The following LAMP3 variants were observed in gnomAD, a reference collection of about 807,000 sequenced individuals.
The protein encoded by LAMP3 is lysosome-associated membrane glycoprotein 3.
Under a neutral mutation model 34.8 loss-of-function variants are expected in LAMP3, and 26 were observed. The observed-to-expected ratio is 0.75, with a 90% CI of 0.55 to 1.04. LAMP3 has a LOEUF of 1.04. Among genes scored for constraint, LAMP3 ranks in the 50% least tolerant of loss-of-function variants. LAMP3 has a pLI of 0.00. For synonymous variants in LAMP3, 180 were observed against 201.9 expected, an observed-to-expected ratio of 0.89 and a Z score of 0.92; for missense variants, 495 against 524.0, an observed-to-expected ratio of 0.94 and a Z score of 0.54.
At chr3:183,152,231 AC>A in intron 3 of LAMP3, 143 bp downstream of exon 3, 1 of 885,390 alleles carries the variant, frequency 1.1e-6, no homozygotes, top group Non-Finnish European at 1.7e-6. Flanking sequence ...AGATGTTGAC[AC>A]TTCCTCCTCT....
chr3:183,161,742 T>A (rs1720980577), intron 1 of LAMP3, among the ~76,000 whole-genome samples: 2 of 152,114 alleles, frequency 1.3e-5, no homozygotes, highest in Non-Finnish European at 2.9e-5. Context: ...AGCGCTCACA[T>A]ACAGGTCACT....
In LAMP3 at chr3:183,153,898, G is replaced by C; in HGVS notation, c.543C>G (p.Thr181=). 6.2e-7 allele frequency: 1 copy of C among 1,614,182 alleles called. No individual in the cohort carries two copies. The highest frequency in any genetic ancestry group is 8.5e-7 in the Non-Finnish European group (1 of 1,180,032). The part of the protein sequence containing the change: ...TLSIALHKST[T]GQKPVQPTHA... ...GGGTGGGTTGAACAGGCTTCTGACC[G>C]GTTGTGCTTTTGTGCAGTGCTATCG... The change falls in exon 2 of 6, where the codon ACC becomes ACG. Residue 181 remains threonine (T), a synonymous_variant. Transcript: ENST00000265598.
chr3:183,141,553 T>C (rs1156750485), intron 3 of LAMP3, among the ~76,000 whole-genome samples: 2 of 152,134 alleles, frequency 1.3e-5, no homozygotes, highest in Non-Finnish European at 2.9e-5. Flanking sequence ...AAACCTGAAA[T>C]TGAATTACTT....
intron 3 of LAMP3, among the ~76,000 whole-genome samples, chr3:183,150,565 C>CTTATTTTTTTTTTTTTT (rs1720597882): frequency 1.2e-5 from 1 of 86,092 alleles, no homozygotes; most frequent in African/African-American, 4.2e-5. Flanking sequence ...GCCAAAGTGA[C>CTTATTTTTTTTTTTTTT]TTTTTTTTTT....
chr3:183,127,394 C>T (rs1719805902), intron 5 of LAMP3, among the ~76,000 whole-genome samples: 1 of 152,176 alleles, frequency 6.6e-6, no homozygotes, highest in Admixed American at 6.5e-5. Context: ...CTCGGCCTCC[C>T]AAAGTTTCAG....
chr3:183,143,621 G>A (rs970518528), intron 3 of LAMP3, among the ~76,000 whole-genome samples: 3 of 151,998 alleles, frequency 2.0e-5, no homozygotes, highest in Non-Finnish European at 4.4e-5. Flanking sequence ...GGTTAATGGC[G>A]TGGGGATATA....
chr3:183,145,422 A>C (rs187238478), intron 3 of LAMP3, among the ~76,000 whole-genome samples: 1 of 152,340 alleles, frequency 6.6e-6, no homozygotes, highest in African/African-American at 2.4e-5. Flanking sequence ...ATAGAAGAGG[A>C]ACTGAGGCTC....
At chr3:183,138,655 C>T (rs956852604) in intron 4 of LAMP3, among the ~76,000 whole-genome samples, 1 of 152,160 alleles carries the variant, frequency 6.6e-6, no homozygotes, top group African/African-American at 2.4e-5. Flanking sequence ...CACTACTCCA[C>T]ACAACAACCA....
intron 3 of LAMP3, among the ~76,000 whole-genome samples, chr3:183,141,308 A>T (rs1440234202): frequency 1.3e-5 from 2 of 152,208 alleles, no homozygotes. Context: ...CAGCACCCCC[A>T]CATTTCATCT....
In LAMP3 at chr3:183,154,404, A is replaced by G. The variant is rs1720766432; in HGVS notation, c.50-13T>C. The stretch of plus-strand genomic sequence containing the variant: ...TCGTGCAAAATTACTGAAAATTAGG[A>G]AATAAAAGTGTTAAAAACACTAACC... On this transcript the variant is annotated splice_polypyrimidine_tract_variant and intron_variant, in intron 1 of 5. Coordinates refer to ENST00000265598, the MANE Select transcript of LAMP3 (RefSeq NM_014398.4). 6.3e-7 allele frequency: 1 copy of G among 1,575,238 alleles called. No homozygotes were observed. The highest frequency in any genetic ancestry group is 8.6e-7 in the Non-Finnish European group (1 of 1,158,722).
chr3:183,137,819 C>T (rs1238880841), intron 4 of LAMP3, among the ~76,000 whole-genome samples: 1 of 151,602 alleles, frequency 6.6e-6, no homozygotes, highest in African/African-American at 2.4e-5. Context: ...CCCCTTCCCC[C>T]CACCTTTTTT....
intron 1 of LAMP3, among the ~76,000 whole-genome samples, chr3:183,158,691 A>C (rs1044923694): frequency 4.6e-5 from 7 of 152,026 alleles, no homozygotes; most frequent in Non-Finnish European, 1.0e-4. Context: ...GATTGTTTCT[A>C]GGTATTTTCC....
At chr3:183,124,767 G>A (rs1023656960) in intron 5 of LAMP3, among the ~76,000 whole-genome samples, 3 of 151,894 alleles carry the variant, frequency 2.0e-5, no homozygotes, top group African/African-American at 7.2e-5. Context: ...GGGAGGCAGA[G>A]GTTGCGGTGA....
Position 183,132,963 on chromosome 3 carries a change from T to C in LAMP3, c.1117+2754A>G, listed in dbSNP as rs1181389049. The C allele has an allele frequency of 6.1e-6, 6 of 984,880 alleles. No homozygotes were observed. In the African/African-American group the frequency reaches 7.0e-5, roughly 11 times the overall value. The allele number at this position is 984,880 out of a possible 1,614,324, so 61.0% of individuals were successfully genotyped here. On this transcript the variant is annotated intron_variant, in intron 5 of 5. Transcript: ENST00000265598. ...TCACTGAAGCATTCATCCGCTGTAA[T>C]TGAAGTCAGAGTAACAAGTGTTACA...
chr3:183,140,977 G>A (rs1720265968), intron 3 of LAMP3, among the ~76,000 whole-genome samples: 1 of 152,180 alleles, frequency 6.6e-6, no homozygotes, highest in Non-Finnish European at 1.5e-5. Flanking sequence ...ATATCTAAGG[G>A]TAGGAATTCT....
At chr3:183,128,131 G>A (rs1719828454) in intron 5 of LAMP3, among the ~76,000 whole-genome samples, 1 of 135,996 alleles carries the variant, frequency 7.4e-6, no homozygotes, top group Non-Finnish European at 1.6e-5. Flanking sequence ...GTGGGAGACA[G>A]AGCGACACTC....
At position 183,123,652 on chromosome 3, in the gene LAMP3, A is replaced by G; in HGVS notation, c.*429T>C. 5.9e-6 allele frequency: 1 copy of G among 169,650 alleles called. No homozygotes were observed. The highest frequency in any genetic ancestry group is 1.3e-5 in the Non-Finnish European group (1 of 78,516). 10.5% of individuals were successfully genotyped at this position (169,650 alleles called of 1,614,324 possible). ...GAAACCATAAAACACAGATAGTAAA[A>G]GCACTGAAAGTCCATTTGATAACAA... On this transcript the variant is annotated 3_prime_UTR_variant, in exon 6 of 6. Coordinates refer to ENST00000265598, the MANE Select transcript of LAMP3 (RefSeq NM_014398.4).
chr3:183,145,331 C>T (rs1015118563), intron 3 of LAMP3, among the ~76,000 whole-genome samples: 5 of 152,088 alleles, frequency 3.3e-5, no homozygotes, highest in Admixed American at 6.5e-5. Flanking sequence ...GGCCAAATAC[C>T]ACGCTGAACA....
intron 3 of LAMP3, among the ~76,000 whole-genome samples, chr3:183,151,373 T>C (rs1040558969): frequency 1.3e-5 from 2 of 151,762 alleles, no homozygotes; most frequent in Admixed American, 1.3e-4. Flanking sequence ...TCACTGCAAT[T>C]GCAGCTGCTG....
Sources: gnomAD v4.1 joint callset for allele counts (sites outside exome capture counted in the v4.1 genomes callset) on GRCh38, gnomAD v4.1.1 for gene constraint, MANE v1.5 for transcripts, NCBI Gene and HGNC (gene_info 2026-07-23, HGNC 2026-07-21) for gene names.